DIP2C: variants seen among roughly 807,000 people sequenced by gnomAD.
DIP2C encodes the protein DIP2 acetate--CoA ligase C (putative), also known as disco-interacting protein 2 homolog C.
Under a neutral mutation model 192.4 loss-of-function variants are expected in DIP2C, and 33 were observed. The ratio of observed to expected loss-of-function variants is 0.17; its 90% CI spans 0.13 to 0.23. DIP2C has a LOEUF of 0.23. DIP2C is among the 10% of genes least tolerant of loss of function. The pLI, the probability that DIP2C is intolerant of heterozygous loss-of-function variation, is 1.00. For synonymous variants in DIP2C, 979 were observed against 864.1 expected (o/e 1.13, Z -2.33); for missense variants, 1,537 against 2,110.1 (o/e 0.73, Z 5.32).
chr10:537,518 C>T (rs754901040), intron 1 of DIP2C, among the ~76,000 whole-genome samples: 1 of 152,180 alleles, frequency 6.6e-6, no homozygotes. Context: ...GCTCCAGCAT[C>T]TGCCCCCCAC....
intron 3 of DIP2C, among the ~76,000 whole-genome samples, chr10:452,231 A>G (rs1968908698): frequency 6.6e-6 from 1 of 152,236 alleles, no homozygotes; most frequent in Admixed American, 6.5e-5. Context: ...TCAGTGGCAC[A>G]GTGACACTTC....
intron 4 of DIP2C, among the ~76,000 whole-genome samples, chr10:424,257 C>T (rs1426130503): frequency 6.7e-6 from 1 of 149,488 alleles, no homozygotes; most frequent in African/African-American, 2.5e-5. Flanking sequence ...CACTTATTAT[C>T]ACTGTCACAT....
At chr10:602,288 A>G (rs1434733860) in intron 1 of DIP2C, among the ~76,000 whole-genome samples, 1 of 152,176 alleles carries the variant, frequency 6.6e-6, no homozygotes, top group Non-Finnish European at 1.5e-5. Flanking sequence ...CAACTTGCAC[A>G]GGCACCTGTG....
intron 3 of DIP2C, among the ~76,000 whole-genome samples, chr10:441,835 C>G (rs545526463): frequency 1.3e-5 from 2 of 152,180 alleles, no homozygotes; most frequent in Non-Finnish European, 2.9e-5. Context: ...ACACATTCAC[C>G]AAGTGCCTCC....
chr10:629,970 G>A (rs1410891646), intron 1 of DIP2C: 1 of 152,246 alleles, frequency 6.6e-6, no homozygotes, highest in Non-Finnish European at 1.5e-5. Flanking sequence ...CTCCCCACGA[G>A]GGCGGCCTAT....
At position 414,039 on chromosome 10, in the gene DIP2C, C is replaced by G; in HGVS notation, c.931G>C (p.Gly311Arg). The G allele has an allele frequency of 6.2e-7, 1 of 1,614,122 alleles. No homozygotes were observed. Among genetic ancestry groups the G allele is most frequent in the Non-Finnish European group, 8.5e-7 (1 of 1,179,988 alleles). ...GACGGCGGCCAGTTCGTGACCACGC[C>G]CAGCTGCTCTCCGCGCATGGCCAGC... ...QMLAMRGEQL[G>R]VVTNWPPSLE... is the part of the protein sequence containing the mutation. The change falls in exon 8 of 37, where the codon GGC becomes CGC. Residue 311 changes from glycine to arginine, a missense_variant. By Grantham distance (125) the Gly-to-Arg change is moderately radical (BLOSUM62 -2). This residue lies in a region of DIP2C where 473 missense variants were observed against 539.6 expected (regional missense o/e 0.88). Coordinates refer to ENST00000280886, the MANE Select transcript of DIP2C (RefSeq NM_014974.3).
intron 17 of DIP2C, among the ~76,000 whole-genome samples, chr10:374,236 CT>C (rs1961314514): frequency 6.6e-6 from 1 of 152,150 alleles, no homozygotes; most frequent in South Asian, 2.1e-4. Flanking sequence ...GGAAATGTAT[CT>C]GTAATATACA....
chr10:332,056 G>C (rs1957531937), intron 29 of DIP2C, among the ~76,000 whole-genome samples: 1 of 152,064 alleles, frequency 6.6e-6, no homozygotes, highest in Non-Finnish European at 1.5e-5. Flanking sequence ...TCTGGGACTA[G>C]AGGCACGTAC....
chr10:289,202 C>T (rs1440955519), intron 32 of DIP2C, among the ~76,000 whole-genome samples: 3 of 151,754 alleles, frequency 2.0e-5, no homozygotes, highest in African/African-American at 7.3e-5. Flanking sequence ...ATGCCTCCCA[C>T]CTGGGGACAG....
chr10:484,990 T>G, intron 2 of DIP2C: 1 of 1,551,160 alleles, frequency 6.4e-7, no homozygotes, highest in Non-Finnish European at 8.7e-7. Context: ...CAAACTTTAG[T>G]TTTTTTTAAA....
chr10:505,217 C>T (rs816589), intron 1 of DIP2C, among the ~76,000 whole-genome samples: 3,554 of 152,142 alleles, frequency 0.023, 135 homozygotes, highest in African/African-American at 0.08. Context: ...GACTAATAAC[C>T]GGCACCTCAT....
intron 10 of DIP2C, among the ~76,000 whole-genome samples, chr10:394,001 GA>G (rs1963731520): frequency 6.6e-6 from 1 of 152,162 alleles, no homozygotes; most frequent in South Asian, 2.1e-4. Context: ...AAATGGTATG[GA>G]GATTTCTCAA....
chr10:471,679 T>C (rs1026404814), intron 3 of DIP2C, among the ~76,000 whole-genome samples: 1 of 152,198 alleles, frequency 6.6e-6, no homozygotes, highest in Non-Finnish European at 1.5e-5. Context: ...AATTTTCTTT[T>C]AAAGAAGCAA....
Position 422,882 on chromosome 10 carries a change from C to T in DIP2C, c.546G>A (p.Gln182=). 1 of 1,613,694 alleles carries T rather than the reference C, an allele frequency of 6.2e-7. No homozygotes were observed. The highest frequency in any genetic ancestry group is 8.5e-7 in the Non-Finnish European group (1 of 1,180,018). Residue 182 remains glutamine, a synonymous_variant, in exon 5 of 37, where the codon CAG becomes CAA. Coordinates refer to ENST00000280886, the MANE Select transcript of DIP2C (RefSeq NM_014974.3). ...TTSTTSSSST[Q]SGGSGAAHRL... ...TGTGGGCAGCCCCGCTGCCCCCGCT[C>T]TGCGTAGAGGACGAGGAGGTGGTGG...
chr10:501,421 C>A (rs974953730), intron 1 of DIP2C, among the ~76,000 whole-genome samples: 2 of 152,034 alleles, frequency 1.3e-5, no homozygotes, highest in African/African-American at 4.8e-5. Context: ...CTTTGCAATA[C>A]CAACTTTTAT....
Position 604,239 on chromosome 10 carries a change from ATT to A in DIP2C, c.85+85253_85+85254del, listed in dbSNP as rs543579963. Among the ~76,000 whole-genome samples, 32 of 152,242 alleles carry A rather than the reference ATT, an allele frequency of 2.1e-4. No individual in the cohort carries two copies. The East Asian group carries it at 5.2e-3, about 25-fold the overall frequency. On this transcript the variant is annotated intron_variant, in intron 1 of 36. Transcript: ENST00000280886. Reference sequence around the variant, plus strand: ...TGTAAACTTCATTACACTAACAAGCATTTAACAAGTCCATTATAATGACGTAA... The same window carrying A: ...TGTAAACTTCATTACACTAACAAGCATAACAAGTCCATTATAATGACGTAA...
In DIP2C at chr10:657,754, C is replaced by A. The variant is rs1471525588; in HGVS notation, c.85+31740G>T. On this transcript the variant is annotated intron_variant, in intron 1 of 36. Transcript: ENST00000280886. ...GCCGCTGGACCTGACACTGGACCTG[C>A]CACTGGACCTGACGCTTGACCTGAT... Among the ~76,000 whole-genome samples the A allele has an allele frequency of 1.4e-3, 186 of 132,120 alleles. 1 individual carries two copies. The highest frequency in any genetic ancestry group is 5.0e-3 in the South Asian group (18 of 3,598). The allele number at this position is 132,120 out of a possible 152,430, so 86.7% of individuals were successfully genotyped here.
chr10:372,818 G>A (rs534026047), intron 17 of DIP2C, among the ~76,000 whole-genome samples: 385 of 151,782 alleles, frequency 2.5e-3, no homozygotes, highest in African/African-American at 5.3e-3. Context: ...GCACAGAAGC[G>A]CGGGTACTCC....
At chr10:443,513 T>A (rs1352163117) in intron 3 of DIP2C, among the ~76,000 whole-genome samples, 2 of 152,030 alleles carry the variant, frequency 1.3e-5, no homozygotes, top group Non-Finnish European at 2.9e-5. Flanking sequence ...TCACTGGGGG[T>A]CTCTGCTGCT....
Sources: allele counts gnomAD v4.1 joint callset (sites outside exome capture counted in the v4.1 genomes callset), GRCh38; gene constraint gnomAD v4.1.1; regional missense constraint gnomAD v4.1.1; transcripts MANE v1.5; gene names NCBI Gene and HGNC (gene_info 2026-07-23, HGNC 2026-07-21).